Variants in SH3RF3 observed in about 807,000 individuals in gnomAD.
SH3RF3 encodes the protein SH3 domain containing ring finger 3.
In SH3RF3, 29 loss-of-function variants were observed where a neutral mutation model predicts 66.3. The ratio of observed to expected loss-of-function variants is 0.44; its 90% confidence interval spans 0.33 to 0.60. The LOEUF (loss-of-function observed/expected upper bound fraction) is 0.60. Among genes scored for constraint, SH3RF3 ranks in the 20% least tolerant of loss-of-function variants. The pLI is 0.04. For missense variants in SH3RF3, 1,194 were observed against 1,190.9 expected (o/e 1.00, Z -0.04); for synonymous variants, 583 against 532.0 (o/e 1.10, Z -1.32).
chr2:109,413,571 T>C (rs1410130945), intron 4 of SH3RF3, among the ~76,000 whole-genome samples: 1 of 152,206 alleles, frequency 6.6e-6, no homozygotes, highest in Non-Finnish European at 1.5e-5. Context: ...TCTCCCGCTC[T>C]AGAATGGAGA....
intron 5 of SH3RF3, among the ~76,000 whole-genome samples, chr2:109,427,984 C>T (rs1425705253): frequency 1.3e-5 from 2 of 152,250 alleles, no homozygotes; most frequent in African/African-American, 4.8e-5. Context: ...CGCCTCTGAG[C>T]TCCTGAGCCT....
chr2:109,289,048 C>G (rs1042541186), intron 1 of SH3RF3, among the ~76,000 whole-genome samples: 2 of 152,206 alleles, frequency 1.3e-5, no homozygotes, highest in African/African-American at 2.4e-5. Context: ...CGTTTGTCAA[C>G]TGTTCCTGGA....
Position 109,249,501 on chromosome 2 carries a change from C to CTT in SH3RF3, c.574-98171_574-98170dup, listed in dbSNP as rs1406653769. ...TCTTTCTTTCTTTCTTTCTTTCTTTCTTTCTTTCATTCTTTCTTTTTCTTT... is the reference window on the plus strand; with the variant it reads ...TCTTTCTTTCTTTCTTTCTTTCTTTCTTTTTCTTTCATTCTTTCTTTTTCTTT... On this transcript the variant is annotated intron_variant, in intron 1 of 9. Coordinates refer to ENST00000309415, the MANE Select transcript of SH3RF3 (RefSeq NM_001099289.3). Among the ~76,000 whole-genome samples the CTT allele has an allele frequency of 3.4e-3, 117 of 34,746 alleles. 2 individuals are homozygous for CTT. The highest frequency in any genetic ancestry group is 0.015 in the African/African-American group (108 of 7,212). 22.8% of individuals were successfully genotyped at this position (34,746 alleles called of 152,430 possible). A position where few individuals can be genotyped will look rare whatever the true frequency, so the allele number is the denominator to read the frequency against.
chr2:109,207,394 TAAG>T (rs1678865971), intron 1 of SH3RF3, among the ~76,000 whole-genome samples: 1 of 152,156 alleles, frequency 6.6e-6, no homozygotes, highest in African/African-American at 2.4e-5. Flanking sequence ...GGAGACAACA[TAAG>T]AAAAAGTGAC....
chr2:109,207,768 G>A (rs994962800), intron 1 of SH3RF3, among the ~76,000 whole-genome samples: 5 of 152,074 alleles, frequency 3.3e-5, no homozygotes, highest in South Asian at 2.1e-4. Context: ...AAAATCAACT[G>A]TATTCAGGTT....
At chr2:109,340,073 C>A (rs188290864) in intron 1 of SH3RF3, among the ~76,000 whole-genome samples, 1 of 152,040 alleles carries the variant, frequency 6.6e-6, no homozygotes, top group African/African-American at 2.4e-5. Context: ...GAGCAGTAAT[C>A]GGGTTATCGG....
chr2:109,399,767 G>C (rs1344757226), intron 4 of SH3RF3, among the ~76,000 whole-genome samples: 1 of 152,274 alleles, frequency 6.6e-6, no homozygotes, highest in African/African-American at 2.4e-5. Flanking sequence ...TGAATGCAGA[G>C]ACTGCAGCAG....
At chr2:109,240,477 AAAAC>A (rs1391558520) in intron 1 of SH3RF3, among the ~76,000 whole-genome samples, 2 of 152,168 alleles carry the variant, frequency 1.3e-5, no homozygotes, top group African/African-American at 2.4e-5. Context: ...GACAAACAAA[AAAAC>A]AAACAAACAA....
At position 109,201,884 on chromosome 2, in the gene SH3RF3, T is replaced by TA. The variant is rs1198215454; in HGVS notation, c.573+71772dup. Among the ~76,000 whole-genome samples, 2 of 152,222 alleles carry TA rather than the reference T, an allele frequency of 1.3e-5. 1 individual carries two copies. Among genetic ancestry groups the TA allele is most frequent in the East Asian group, 3.8e-4 (2 of 5,198 alleles). On this transcript the variant is annotated intron_variant, in intron 1 of 9. Coordinates refer to ENST00000309415, the MANE Select transcript of SH3RF3 (RefSeq NM_001099289.3). Reference sequence around the variant, plus strand: ...TTATGTCCTGTGTTGCTAAGCCTCCTACCAATGAGTCTGACACATCTGAAA... The same window carrying TA: ...TTATGTCCTGTGTTGCTAAGCCTCCTAACCAATGAGTCTGACACATCTGAAA...
chr2:109,374,497 C>T (rs936126128), intron 3 of SH3RF3, among the ~76,000 whole-genome samples: 4 of 152,140 alleles, frequency 2.6e-5, no homozygotes, highest in Non-Finnish European at 2.9e-5. Flanking sequence ...TCTGGGAGGC[C>T]GCACAGGCAT....
chr2:109,261,162 C>T (rs913228708), intron 1 of SH3RF3, among the ~76,000 whole-genome samples: 3 of 152,162 alleles, frequency 2.0e-5, no homozygotes, highest in African/African-American at 4.8e-5. Flanking sequence ...GACACATCAA[C>T]ATTTCTGGCT....
rs568879239 is a variant in SH3RF3 at position 109,475,272 on chromosome 2, C to T, written c.2149-15333C>T. ...GATTACAGGCGTGAGCCACCACGCCCGGCTTCAGTATTATCTTAAATCTCC... is the reference window on the plus strand; with the variant it reads ...GATTACAGGCGTGAGCCACCACGCCTGGCTTCAGTATTATCTTAAATCTCC... On this transcript the variant is annotated intron_variant, in intron 8 of 9. Transcript: ENST00000309415. Among the ~76,000 whole-genome samples the T allele has an allele frequency of 3.9e-5, 6 of 152,300 alleles. No homozygotes were observed. In the East Asian group the frequency reaches 5.8e-4, roughly 15 times the overall value.
intron 1 of SH3RF3, among the ~76,000 whole-genome samples, chr2:109,133,762 G>A (rs186864404): frequency 5.1e-4 from 71 of 138,482 alleles, no homozygotes; most frequent in African/African-American, 1.7e-3. Flanking sequence ...TTCTTTCCCT[G>A]TTACAGACTA....
intron 1 of SH3RF3, among the ~76,000 whole-genome samples, chr2:109,331,676 G>C (rs1682289579): frequency 6.6e-6 from 1 of 152,124 alleles, no homozygotes; most frequent in Non-Finnish European, 1.5e-5. Context: ...AGGTAGAGAT[G>C]TTTTTATCTA....
At chr2:109,330,880 G>A (rs1297538648) in intron 1 of SH3RF3, among the ~76,000 whole-genome samples, 4 of 152,166 alleles carry the variant, frequency 2.6e-5, no homozygotes, top group African/African-American at 9.7e-5. Context: ...CAATTCCTCT[G>A]GTAAGGGTCT....
intron 1 of SH3RF3, among the ~76,000 whole-genome samples, chr2:109,344,220 G>T (rs373767840): frequency 9.2e-5 from 14 of 152,336 alleles, no homozygotes; most frequent in African/African-American, 3.4e-4. Flanking sequence ...GGCCTTAGTG[G>T]CGTAGAAGCT....
chr2:109,415,495 A>G (rs1275091068), intron 4 of SH3RF3, among the ~76,000 whole-genome samples: 1 of 152,066 alleles, frequency 6.6e-6, no homozygotes, highest in Non-Finnish European at 1.5e-5. Context: ...TCCTACTAAC[A>G]GCCCCCTGAG....
intron 4 of SH3RF3, among the ~76,000 whole-genome samples, chr2:109,399,253 C>T (rs928906317): frequency 8.5e-5 from 13 of 152,248 alleles, no homozygotes; most frequent in South Asian, 2.1e-4. Context: ...AGTCGGCTTC[C>T]AGATGTCTGA....
intron 1 of SH3RF3, among the ~76,000 whole-genome samples, chr2:109,336,612 G>A (rs1481894895): frequency 2.6e-5 from 4 of 152,196 alleles, no homozygotes; most frequent in Non-Finnish European, 2.9e-5. Context: ...TGAGGCAAAT[G>A]CTCTTTGCAG....
Sources: allele counts gnomAD v4.1 joint callset (sites outside exome capture counted in the v4.1 genomes callset), GRCh38; gene constraint gnomAD v4.1.1; transcripts MANE v1.5; gene names NCBI Gene and HGNC (gene_info 2026-07-23, HGNC 2026-07-21).